The following ZNF804A variants were observed in gnomAD, a reference collection of about 807,000 sequenced individuals.
ZNF804A encodes zinc finger protein 804A.
In ZNF804A, 2 loss-of-function variants were observed where a neutral mutation model predicts 16.5. The ratio of observed to expected loss-of-function variants is 0.12; its 90% CI spans 0.05 to 0.38. The LOEUF (loss-of-function observed/expected upper bound fraction) is 0.38, where lower values mean the gene tolerates loss of function less well. Ranked by LOEUF, ZNF804A falls within the 10% of genes least tolerant of loss-of-function variation. The pLI is 0.99. For missense variants in ZNF804A, 1,473 were observed against 1,390.7 expected (o/e 1.06, Z -0.94); for synonymous variants, 534 against 489.6 (o/e 1.09, Z -1.20).
intron 1 of ZNF804A, among the ~76,000 whole-genome samples, chr2:184,826,336 CCTA>C (rs1159724180): frequency 6.6e-6 from 1 of 151,882 alleles, no homozygotes; most frequent in South Asian, 2.1e-4. Flanking sequence ...TTTAATGTGT[CCTA>C]CTATCTTATG....
intron 1 of ZNF804A, among the ~76,000 whole-genome samples, chr2:184,613,200 A>G (rs924586081): frequency 3.9e-5 from 6 of 152,220 alleles, no homozygotes; most frequent in African/African-American, 1.4e-4. Context: ...GGCAATATCT[A>G]TTCACAGGTT....
chr2:184,639,631 A>G (rs1047841209), intron 1 of ZNF804A, among the ~76,000 whole-genome samples: 9 of 152,220 alleles, frequency 5.9e-5, no homozygotes, highest in African/African-American at 1.7e-4. Context: ...AAAGGTTGTC[A>G]TGATTAAGAC....
In ZNF804A at chr2:184,838,574, C is replaced by A. The variant is rs182098673; in HGVS notation, c.112-27795C>A. Among the ~76,000 whole-genome samples, 83 of 152,062 alleles carry A rather than the reference C, an allele frequency of 5.5e-4. 1 individual carries two copies. The highest frequency in any genetic ancestry group is 4.4e-4 in the Non-Finnish European group (30 of 67,968). ...AGTCAGATCAACATAGAGAATAACCCAGAATTAGTAAGACATTAAATATTC... is the reference window on the plus strand; with the variant it reads ...AGTCAGATCAACATAGAGAATAACCAAGAATTAGTAAGACATTAAATATTC... On this transcript the variant is annotated intron_variant, in intron 1 of 3. Transcript: ENST00000302277.
intron 1 of ZNF804A, among the ~76,000 whole-genome samples, chr2:184,717,302 C>G (rs1305603308): frequency 6.6e-6 from 1 of 152,092 alleles, no homozygotes; most frequent in Non-Finnish European, 1.5e-5. Context: ...AAATTTCTTT[C>G]AATTATGTAC....
intron 2 of ZNF804A, among the ~76,000 whole-genome samples, chr2:184,884,770 A>G (rs887836930): frequency 6.6e-6 from 1 of 152,208 alleles, no homozygotes; most frequent in Non-Finnish European, 1.5e-5. Context: ...AATAAATATA[A>G]TTCTGTACAT....
chr2:184,897,307 A>T (rs1241447967), intron 2 of ZNF804A, among the ~76,000 whole-genome samples: 1 of 152,024 alleles, frequency 6.6e-6, no homozygotes, highest in African/African-American at 2.4e-5. Flanking sequence ...GTGTGTCAGG[A>T]TTCCCCAGTG....
intron 1 of ZNF804A, among the ~76,000 whole-genome samples, chr2:184,856,199 T>C (rs55941754): frequency 0.05 from 7,654 of 152,146 alleles, 254 homozygotes; most frequent in Middle Eastern, 0.078. Context: ...TATCAGTTTA[T>C]AAAATCAAAG....
intron 2 of ZNF804A, among the ~76,000 whole-genome samples, chr2:184,924,901 GA>G (rs1685586340): frequency 6.6e-6 from 1 of 151,838 alleles, no homozygotes; most frequent in Non-Finnish European, 1.5e-5. Flanking sequence ...TGTCAGAGAA[GA>G]TGCTTGATAT....
intron 1 of ZNF804A, among the ~76,000 whole-genome samples, chr2:184,782,748 A>C (rs72903720): frequency 0.049 from 7,344 of 148,598 alleles, 244 homozygotes; most frequent in Non-Finnish European, 0.074. Context: ...AGGATGACTA[A>C]TACAGTTTTC....
chr2:184,687,104 T>C (rs949894724), intron 1 of ZNF804A, among the ~76,000 whole-genome samples: 2 of 152,224 alleles, frequency 1.3e-5, no homozygotes, highest in Non-Finnish European at 2.9e-5. Context: ...CCAACGCCAA[T>C]GTTGAGAAGG....
chr2:184,896,642 C>G (rs1432721683), intron 2 of ZNF804A, among the ~76,000 whole-genome samples: 2 of 152,098 alleles, frequency 1.3e-5, no homozygotes, highest in Non-Finnish European at 2.9e-5. Flanking sequence ...CTATTTTTCT[C>G]ATATAGACAA....
intron 1 of ZNF804A, among the ~76,000 whole-genome samples, chr2:184,730,488 C>T (rs963267379): frequency 6.6e-6 from 1 of 152,298 alleles, no homozygotes; most frequent in South Asian, 2.1e-4. Flanking sequence ...TAGCATCATA[C>T]AGAGTAATTT....
intron 1 of ZNF804A, among the ~76,000 whole-genome samples, chr2:184,794,933 T>C (rs2105780276): frequency 6.6e-6 from 1 of 152,134 alleles, no homozygotes. Flanking sequence ...CAATTGCTAA[T>C]AGACCTAAGA....
intron 2 of ZNF804A, among the ~76,000 whole-genome samples, chr2:184,866,868 T>C (rs974670775): frequency 6.6e-6 from 1 of 150,494 alleles, no homozygotes; most frequent in African/African-American, 2.4e-5. Context: ...CATTATATTA[T>C]ATATTTATTG....
intron 1 of ZNF804A, among the ~76,000 whole-genome samples, chr2:184,724,870 G>C (rs1336068579): frequency 6.6e-6 from 1 of 151,740 alleles, no homozygotes; most frequent in East Asian, 1.9e-4. Flanking sequence ...GTAACATGTG[G>C]AAAGGCTTAG....
Position 184,701,510 on chromosome 2 carries a change from T to C in ZNF804A, c.111+102440T>C, listed in dbSNP as rs571352420. Among the ~76,000 whole-genome samples, 9 of 152,026 alleles carry C rather than the reference T, an allele frequency of 5.9e-5. No homozygotes were observed. In the South Asian group the frequency reaches 1.9e-3, roughly 32 times the overall value. Reference sequence around the variant, plus strand: ...AGTAAGAAGGCAAATTAATATCTAGTTTGATTCAAATGAGGTTAGCTGTTT... The same window carrying C: ...AGTAAGAAGGCAAATTAATATCTAGCTTGATTCAAATGAGGTTAGCTGTTT... On this transcript the variant is annotated intron_variant, in intron 1 of 3. Transcript: ENST00000302277.
At chr2:184,801,196 C>T (rs952134715) in intron 1 of ZNF804A, among the ~76,000 whole-genome samples, 3 of 152,050 alleles carry the variant, frequency 2.0e-5, no homozygotes, top group Admixed American at 6.6e-5. Context: ...GTTCTTTAAT[C>T]GGTATTGTGT....
intron 1 of ZNF804A, among the ~76,000 whole-genome samples, chr2:184,637,055 T>G (rs1027604637): frequency 1.3e-5 from 2 of 152,192 alleles, no homozygotes; most frequent in African/African-American, 4.8e-5. Context: ...CTATGTGGTT[T>G]CAATAGTTTC....
At chr2:184,757,049 C>A (rs1693969889) in intron 1 of ZNF804A, among the ~76,000 whole-genome samples, 1 of 152,060 alleles carries the variant, frequency 6.6e-6, no homozygotes, top group African/African-American at 2.4e-5. Context: ...AAGGTCTCCA[C>A]TAAATTCTTG....
Sources: gnomAD v4.1 joint callset for allele counts (sites outside exome capture counted in the v4.1 genomes callset) on GRCh38, gnomAD v4.1.1 for gene constraint, MANE v1.5 for transcripts, NCBI Gene and HGNC (gene_info 2026-07-23, HGNC 2026-07-21) for gene names.